Variants in RFX2 observed in about 807,000 individuals in gnomAD.
The protein encoded by RFX2 is DNA-binding protein RFX2.
Under a neutral mutation model 87.8 loss-of-function variants are expected in RFX2, and 20 were observed. The observed-to-expected ratio is 0.23, with a 90% confidence interval of 0.16 to 0.33. RFX2 has a LOEUF of 0.33. RFX2 is among the 10% of genes least tolerant of loss of function. The probability of loss-of-function intolerance (pLI) is 1.00; values close to 1 mark genes in which losing one functional copy is unlikely to be tolerated. For missense variants in RFX2, 767 were observed against 1,012.3 expected (o/e 0.76, Z 3.29); for synonymous variants, 397 against 431.3 (o/e 0.92, Z 0.98).
At chr19:6,062,739 T>G (rs1858643080) in intron 1 of RFX2, among the ~76,000 whole-genome samples, 1 of 152,164 alleles carries the variant, frequency 6.6e-6, no homozygotes, top group Non-Finnish European at 1.5e-5. Context: ...CTTGGACATT[T>G]CTCCAGCCCT....
chr19:6,089,563 G>C (rs1254812549), intron 1 of RFX2, among the ~76,000 whole-genome samples: 3 of 152,176 alleles, frequency 2.0e-5, no homozygotes, highest in Admixed American at 6.5e-5. Context: ...ACAGGAATGG[G>C]ATTAGGGTCC....
At chr19:6,048,179 G>T (rs2087222846) in intron 1 of RFX2, among the ~76,000 whole-genome samples, 1 of 152,216 alleles carries the variant, frequency 6.6e-6, no homozygotes, top group Non-Finnish European at 1.5e-5. Flanking sequence ...AGGGAGCAAA[G>T]AAACAGTACA....
rs1331590522 is a variant in RFX2 at position 5,993,319 on chromosome 19, CCAGA to C, written c.*1512_*1515del. 9.2e-5 allele frequency: 14 copies of C among 152,226 alleles called. No individual in the cohort carries two copies. Among genetic ancestry groups the C allele is most frequent in the Admixed American group, 4.6e-4 (7 of 15,280 alleles). The allele number at this position is 152,226 out of a possible 1,614,324, so 9.4% of individuals were successfully genotyped here. ...TTCAACTAAGGTTTGGGCTATACGACCAGACAAACAGTGTGATTATTCCCAGCTT... is the reference window on the plus strand; with the variant it reads ...TTCAACTAAGGTTTGGGCTATACGACCAAACAGTGTGATTATTCCCAGCTT... On this transcript the variant is annotated 3_prime_UTR_variant, in exon 18 of 18. Transcript: ENST00000303657.
intron 1 of RFX2, among the ~76,000 whole-genome samples, chr19:6,071,061 G>T (rs1361625909): frequency 6.6e-6 from 1 of 152,146 alleles, no homozygotes; most frequent in Non-Finnish European, 1.5e-5. Context: ...TTTCAAATTT[G>T]CCAAATGGCT....
intron 10 of RFX2, 102 bp downstream of exon 10, chr19:6,008,003 CG>C: frequency 1.1e-6 from 1 of 911,320 alleles, no homozygotes; most frequent in Non-Finnish European, 1.8e-6. Flanking sequence ...TTGGGGGGCT[CG>C]GGGCTCCAGC....
intron 1 of RFX2, chr19:6,109,276 G>A (rs2088269618): frequency 6.6e-6 from 1 of 152,286 alleles, no homozygotes; most frequent in South Asian, 2.1e-4. Context: ...GGGGCACGTG[G>A]AAAGACTGGC....
Position 5,994,929 on chromosome 19 carries a change from C to T in RFX2, c.2078G>A (p.Arg693His), listed in dbSNP as rs200247864. Residue 693 changes from arginine to histidine, a missense_variant, in exon 18 of 18, where the codon CGT becomes CAT. Transcript: ENST00000303657. ...LDKDDMGDEQ[R>H]GSEAGPDARS... ...GGCGTCTGGGCCCGCCTCGCTGCCA[C>T]GCTGCTCATCGCCCATGTCATCTGC... is the stretch of plus-strand genomic sequence containing the variant. The T allele has an allele frequency of 5.7e-5, 91 of 1,607,814 alleles. No individual in the cohort carries two copies. Among genetic ancestry groups the T allele is most frequent in the Middle Eastern group, 5.0e-4 (3 of 6,054 alleles).
intron 1 of RFX2, among the ~76,000 whole-genome samples, chr19:6,059,339 T>G (rs1332609326): frequency 1.3e-5 from 2 of 152,196 alleles, no homozygotes; most frequent in African/African-American, 4.8e-5. Flanking sequence ...TCATCTCTGA[T>G]GTGGTCTGAT....
chr19:6,103,558 C>A (rs2088161070), intron 1 of RFX2, among the ~76,000 whole-genome samples: 1 of 152,118 alleles, frequency 6.6e-6, no homozygotes, highest in South Asian at 2.1e-4. Flanking sequence ...GAAGGGAAAC[C>A]AGTCTTAAAA....
Position 6,064,627 on chromosome 19 carries a change from G to A in RFX2, c.-8-17123C>T, listed in dbSNP as rs2087484362. 6.6e-6 allele frequency among the ~76,000 whole-genome samples: 1 copy of A among 152,218 alleles called. No individual in the cohort carries two copies. The highest frequency in any genetic ancestry group is 6.5e-5 in the Admixed American group (1 of 15,282). Reference sequence around the variant, plus strand: ...CCACTGGGCACCTGTGCCCACCTGGGGATGGGGTCTCGTCCTGCCTGTGTG... The same window carrying A: ...CCACTGGGCACCTGTGCCCACCTGGAGATGGGGTCTCGTCCTGCCTGTGTG... On this transcript the variant is annotated intron_variant, in intron 1 of 17. Transcript: ENST00000303657. This position sits in a 1 kb window ranked among gnomAD's most constrained non-coding sequence, Gnocchi z 4.8.
chr19:6,097,014 G>A (rs1321295725), intron 1 of RFX2, among the ~76,000 whole-genome samples: 1 of 152,156 alleles, frequency 6.6e-6, no homozygotes, highest in East Asian at 1.9e-4. Context: ...GTCTGAACTG[G>A]AACAGTATAA....
In RFX2 at chr19:6,061,166, GC is replaced by G. The variant is rs1295992339; in HGVS notation, c.-8-13663del. ...GCTCCTGCTGCTACTATTTCAGTGA[GC>G]CCCTGCCTCCCTATCTCCTACCTGG... On this transcript the variant is annotated intron_variant, in intron 1 of 17. Coordinates refer to ENST00000303657, the MANE Select transcript of RFX2 (RefSeq NM_000635.4). The surrounding 1 kb of genome is among the most constrained non-coding windows in gnomAD (Gnocchi z 5.2). Among the ~76,000 whole-genome samples the G allele has an allele frequency of 1.2e-4, 18 of 152,184 alleles. No individual in the cohort carries two copies. Among genetic ancestry groups the G allele is most frequent in the Non-Finnish European group, 2.2e-4 (15 of 68,018 alleles).
rs138798616 is a variant in RFX2 at position 6,019,032 on chromosome 19, C to A, written c.598-2761G>T. 3.6e-4 allele frequency among the ~76,000 whole-genome samples: 55 copies of A among 152,264 alleles called. No individual in the cohort carries two copies. The East Asian group carries it at 8.7e-3, about 24-fold the overall frequency. ...AGTCTGCCTCCTGCCGCCTGCAGGG[C>A]CCTGTGTGAAGTGCAGTGTCCCCCA... On this transcript the variant is annotated intron_variant, in intron 6 of 17. Transcript: ENST00000303657.
Position 6,045,484 on chromosome 19 carries a change from A to G in RFX2, c.91-1202T>C, listed in dbSNP as rs895986475. On this transcript the variant is annotated intron_variant, in intron 2 of 17. Coordinates refer to ENST00000303657, the MANE Select transcript of RFX2 (RefSeq NM_000635.4). This position sits in a 1 kb window ranked among gnomAD's most constrained non-coding sequence, Gnocchi z 5.2. ...TTCAAGTGGGCACGGAAACATATCA[A>G]TTAGGCCACAACTGCTGGCAGGGCG... 6.6e-6 allele frequency among the ~76,000 whole-genome samples: 1 copy of G among 152,210 alleles called. No homozygotes were observed. Among genetic ancestry groups the G allele is most frequent in the African/African-American group, 2.4e-5 (1 of 41,442 alleles).
intron 5 of RFX2, among the ~76,000 whole-genome samples, chr19:6,029,959 T>G (rs1384424642): frequency 1.3e-5 from 2 of 151,942 alleles, no homozygotes; most frequent in Non-Finnish European, 2.9e-5. Context: ...GAAAAAAGAA[T>G]GAAGAAAAAT....
At chr19:6,084,556 C>T (rs2144866722) in intron 1 of RFX2, among the ~76,000 whole-genome samples, 1 of 152,260 alleles carries the variant, frequency 6.6e-6, no homozygotes. Context: ...CACCATTCTA[C>T]TTTCTGTCGC....
chr19:6,026,262 A>C lies in RFX2; in HGVS notation c.523-25T>G. ...GCTAAAGAAAATGTGTGCAGAAACA[A>C]AACAAAACAAAATGGAAAAAAAAAA... On this transcript the variant is annotated intron_variant, in intron 5 of 17. Coordinates refer to ENST00000303657, the MANE Select transcript of RFX2 (RefSeq NM_000635.4). The surrounding 1 kb of genome is among the most constrained non-coding windows in gnomAD (Gnocchi z 4.5). The C allele has an allele frequency of 6.3e-7, 1 of 1,591,222 alleles. No homozygotes were observed. Among genetic ancestry groups the C allele is most frequent in the Non-Finnish European group, 8.6e-7 (1 of 1,166,060 alleles).
intron 5 of RFX2, among the ~76,000 whole-genome samples, chr19:6,033,210 T>C (rs1247434634): frequency 1.3e-5 from 2 of 152,228 alleles, no homozygotes; most frequent in Admixed American, 6.5e-5. Context: ...ACGGACGTTA[T>C]AGAATATGAT....
intron 1 of RFX2, among the ~76,000 whole-genome samples, chr19:6,103,752 GTTAAT>G (rs1339291286): frequency 1.3e-5 from 2 of 152,120 alleles, no homozygotes; most frequent in Non-Finnish European, 2.9e-5. Flanking sequence ...GAGTTTCTAG[GTTAAT>G]TTAAGGGAAT....
Sources: gnomAD v4.1 joint callset for allele counts (sites outside exome capture counted in the v4.1 genomes callset) on GRCh38, gnomAD v4.1.1 for gene constraint, Gnocchi (gnomAD v3.1) non-coding constraint, MANE v1.5 for transcripts, NCBI Gene and HGNC (gene_info 2026-07-23, HGNC 2026-07-21) for gene names.